Variants in ZNF696 observed in about 807,000 individuals in gnomAD.
The protein encoded by ZNF696 is zinc finger protein 696.
In ZNF696, 10 loss-of-function variants were observed where a neutral mutation model predicts 12.3. The ratio of observed to expected loss-of-function variants is 0.81; its 90% CI spans 0.50 to 1.38. The LOEUF (loss-of-function observed/expected upper bound fraction) is 1.38, where lower values mean the gene tolerates loss of function less well. Among genes scored for constraint, ZNF696 ranks in the 40% most tolerant of loss-of-function variants. The pLI, the probability that ZNF696 is intolerant of heterozygous loss-of-function variation, is 0.00. For synonymous variants in ZNF696, 304 were observed against 243.9 expected, an observed-to-expected ratio of 1.25 and a Z score of -2.29; for missense variants, 675 against 554.7, an observed-to-expected ratio of 1.22 and a Z score of -2.18.
intron 2 of ZNF696, chr8:143,295,396 G>A: frequency 1.7e-6 from 1 of 584,994 alleles, no homozygotes; most frequent in Non-Finnish European, 3.2e-6. Context: ...ATCTCACTAT[G>A]TTGGCCAGGC....
At position 143,296,193 on chromosome 8, in the gene ZNF696, G is replaced by A. The variant is rs778280872; in HGVS notation, c.518G>A (p.Arg173Gln). ...AGCTCGCACGTGGTCCGGCACCAGCGGGCGCACAGCGGGGAGAGGCCCTAC... is the reference window on the plus strand; with the variant it reads ...AGCTCGCACGTGGTCCGGCACCAGCAGGCGCACAGCGGGGAGAGGCCCTAC... ...IHSSHVVRHQRAHSGERPYAC... is the reference protein window; with the variant it reads ...IHSSHVVRHQQAHSGERPYAC... Residue 173 changes from arginine to glutamine, a missense_variant, in exon 3 of 3, where the codon CGG (arginine) becomes CAG (glutamine). Arg to Gln is a conservative substitution (Grantham distance 43, BLOSUM62 1). Transcript: ENST00000330143. The A allele has an allele frequency of 1.3e-6, 2 of 1,599,534 alleles. No homozygotes were observed. Among genetic ancestry groups the A allele is most frequent in the South Asian group, 2.2e-5 (2 of 89,902 alleles).
chr8:143,296,249 C>A lies in ZNF696; in HGVS notation c.574C>A (p.Gln192Lys). 6.3e-7 allele frequency: 1 copy of A among 1,597,546 alleles called. No individual in the cohort carries two copies. The highest frequency in any genetic ancestry group is 8.5e-7 in the Non-Finnish European group (1 of 1,175,654). ...ACAECGKAFG[Q>K]SFNLLRHQRV... is the part of the protein sequence containing the mutation. ...CGCCGAGTGCGGCAAGGCCTTCGGC[C>A]AGAGCTTCAACCTCCTCCGGCACCA... The change falls in exon 3 of 3, where the codon CAG (glutamine) becomes AAG (lysine). Residue 192 changes from glutamine to lysine, a missense_variant. Gln to Lys is a moderately conservative substitution (Grantham distance 53). Transcript: ENST00000330143.
In ZNF696 at chr8:143,296,059, CG is replaced by C. The variant is rs1563744814; in HGVS notation, c.385del (p.Ala129ProfsTer232). On this transcript the variant is annotated frameshift_variant, in exon 3 of 3. Coordinates refer to ENST00000330143, the MANE Select transcript of ZNF696 (RefSeq NM_030895.3). LOFTEE classifies it high-confidence loss of function. ...SWKGRPFPCGACGRSFKCSSD... is the reference protein window; with the variant it reads ...SWKGRPFPCGXCGRSFKCSSD... ...GGAAGGGGCGGCCTTTCCCGTGCGG[CG>C]CCTGTGGCCGCAGCTTCAAGTGCTC... The C allele has an allele frequency of 1.9e-6, 3 of 1,592,406 alleles. No homozygotes were observed. The highest frequency in any genetic ancestry group is 2.6e-6 in the Non-Finnish European group (3 of 1,168,718).
intron 1 of ZNF696, among the ~76,000 whole-genome samples, 187 bp from the exon 2 acceptor site, chr8:143,292,785 C>T (rs960975657): frequency 6.6e-6 from 1 of 152,036 alleles, no homozygotes; most frequent in East Asian, 1.9e-4. Flanking sequence ...ACAGAACACC[C>T]GCTTCTGGGA....
At position 143,296,260 on chromosome 8, in the gene ZNF696, C is replaced by T. The variant is rs764378449; in HGVS notation, c.585C>T (p.Asn195=). The T allele has an allele frequency of 1.3e-6, 2 of 1,598,132 alleles. No individual in the cohort carries two copies. Among genetic ancestry groups the T allele is most frequent in the African/African-American group, 1.3e-5 (1 of 74,728 alleles). Residue 195 remains asparagine, a synonymous_variant, in exon 3 of 3, where the codon AAC becomes AAT. Coordinates refer to ENST00000330143, the MANE Select transcript of ZNF696 (RefSeq NM_030895.3). ...ECGKAFGQSF[N]LLRHQRVHTG... ...GCAAGGCCTTCGGCCAGAGCTTCAACCTCCTCCGGCACCAGCGCGTGCACA... is the reference window on the plus strand; with the variant it reads ...GCAAGGCCTTCGGCCAGAGCTTCAATCTCCTCCGGCACCAGCGCGTGCACA...
intron 2 of ZNF696, 47 bp downstream of exon 2, chr8:143,293,112 T>C: frequency 1.3e-6 from 2 of 1,512,724 alleles, no homozygotes; most frequent in South Asian, 1.1e-5. Context: ...AGGGCAGGAA[T>C]TGAACAGGAA....
At chr8:143,293,616 T>C (rs1815660862) in intron 2 of ZNF696, among the ~76,000 whole-genome samples, 1 of 152,236 alleles carries the variant, frequency 6.6e-6, no homozygotes, top group Non-Finnish European at 1.5e-5. Context: ...CTGTGAGGTC[T>C]GGGATTGCCT....
Position 143,296,410 on chromosome 8 carries a change from C to A in ZNF696, c.735C>A (p.Arg245=). The A allele has an allele frequency of 6.3e-7, 1 of 1,599,968 alleles. No homozygotes were observed. The highest frequency in any genetic ancestry group is 8.5e-7 in the Non-Finnish European group (1 of 1,175,982). Reference sequence around the variant, plus strand: ...ACGCGTGCGGCGAGTGCGGGAAGCGCTTCCTGCACAGCTCGAACGTGGTCC... The same window carrying A: ...ACGCGTGCGGCGAGTGCGGGAAGCGATTCCTGCACAGCTCGAACGTGGTCC... ...RLYACGECGK[R]FLHSSNVVRH... Residue 245 remains arginine, a synonymous_variant, in exon 3 of 3, where the codon CGC becomes CGA. Transcript: ENST00000330143.
rs1815699125 is a variant in ZNF696 at position 143,295,825 on chromosome 8, A to G, written c.150A>G (p.Ala50=). ...CAGCTCAGAGCACGGAGCCTGCCGC[A>G]GAGGCAGGCGCTCCCGAGGGAGAGG... ...VQAAQSTEPA[A]EAGAPEGEGH... Residue 50 remains alanine, a synonymous_variant, in exon 3 of 3, where the codon GCA becomes GCG. Transcript: ENST00000330143. 1.3e-6 allele frequency: 2 copies of G among 1,596,430 alleles called. No individual in the cohort carries two copies. The highest frequency in any genetic ancestry group is 1.7e-4 in the Middle Eastern group (1 of 5,874).
At position 143,299,517 on chromosome 8, in the gene ZNF696, G is replaced by A. The variant is rs1259331593; in HGVS notation, c.*2717G>A. 6.6e-6 allele frequency among the ~76,000 whole-genome samples: 1 copy of A among 152,224 alleles called. No homozygotes were observed. The highest frequency in any genetic ancestry group is 2.4e-5 in the African/African-American group (1 of 41,450). ...TAGTCCCAGCTGCTTGGGAGACTGA[G>A]GCAGGAGGATCTCGGCTTGGATCCT... is the stretch of plus-strand genomic sequence containing the variant. On this transcript the variant is annotated 3_prime_UTR_variant, in exon 3 of 3. Coordinates refer to ENST00000330143, the MANE Select transcript of ZNF696 (RefSeq NM_030895.3).
At position 143,296,049 on chromosome 8, in the gene ZNF696, TC is replaced by T. The variant is rs1175365143; in HGVS notation, c.377del (p.Pro126ArgfsTer235). 6.3e-7 allele frequency: 1 copy of T among 1,593,270 alleles called. No homozygotes were observed. Among genetic ancestry groups the T allele is most frequent in the Non-Finnish European group, 8.6e-7 (1 of 1,169,348 alleles). ...GGGGGCAGCTGGAAGGGGCGGCCTT[TC>T]CCGTGCGGCGCCTGTGGCCGCAGCT... ...EGGGSWKGRPFPCGACGRSFK... is the reference protein window; with the variant it reads ...EGGGSWKGRPXPCGACGRSFK... On this transcript the variant is annotated frameshift_variant, in exon 3 of 3. Coordinates refer to ENST00000330143, the MANE Select transcript of ZNF696 (RefSeq NM_030895.3). LOFTEE classifies it low-confidence loss of function (END_TRUNC).
At position 143,292,913 on chromosome 8, in the gene ZNF696, C is replaced by G. The variant is rs990842322; in HGVS notation, c.-30-59C>G. On this transcript the variant is annotated intron_variant, in intron 1 of 2. Coordinates refer to ENST00000330143, the MANE Select transcript of ZNF696 (RefSeq NM_030895.3). ...CTGAAGGCATTCTGACCTCACTGCC[C>G]CTGGCCCCTGTACCTAGCCCTGGCT... is the stretch of plus-strand genomic sequence containing the variant. 4.3e-5 allele frequency: 64 copies of G among 1,472,624 alleles called. 1 individual carries two copies. In the South Asian group the frequency reaches 5.8e-4, roughly 13 times the overall value. 91.2% of individuals were successfully genotyped at this position (1,472,624 alleles called of 1,614,324 possible).
intron 2 of ZNF696, among the ~76,000 whole-genome samples, chr8:143,294,391 T>G (rs74802998): frequency 2.9e-4 from 14 of 47,956 alleles, no homozygotes; most frequent in Admixed American, 2.3e-3. Context: ...TTTTCTTTTC[T>G]TTTTTTTTTT....
chr8:143,294,731 T>C (rs1434396891), intron 2 of ZNF696, among the ~76,000 whole-genome samples: 1 of 151,804 alleles, frequency 6.6e-6, no homozygotes, highest in Non-Finnish European at 1.5e-5. Context: ...CCCTTAGAGT[T>C]TGGTGTTTGG....
rs1197279654 is a variant in ZNF696 at position 143,291,438 on chromosome 8, C to G, written c.-360C>G. ...GACCGTAGCGGGTGCAGTCCAGCTG[C>G]TCTGGACGCTGAGGCCCCGGCTTCT... On this transcript the variant is annotated 5_prime_UTR_variant, in exon 1 of 3. Coordinates refer to ENST00000330143, the MANE Select transcript of ZNF696 (RefSeq NM_030895.3). 1.0e-6 allele frequency: 1 copy of G among 985,566 alleles called. No homozygotes were observed. 61.1% of individuals were successfully genotyped at this position (985,566 alleles called of 1,614,324 possible). A position where few individuals can be genotyped will look rare whatever the true frequency, so the allele number is the denominator to read the frequency against.
At chr8:143,293,895 T>A (rs4332150) in intron 2 of ZNF696, among the ~76,000 whole-genome samples, 7 of 152,158 alleles carry the variant, frequency 4.6e-5, no homozygotes, top group Non-Finnish European at 1.0e-4. Context: ...GGACTGTCGA[T>A]AGCAGCCTGC....
rs761133041 is a variant in ZNF696, at chr8:143,293,070, G to A, written c.64+5G>A. On this transcript the variant is annotated splice_donor_5th_base_variant and intron_variant, in intron 2 of 2. Transcript: ENST00000330143. The stretch of plus-strand genomic sequence containing the variant: ...CCCTGATGGAGTCCCTTGCAGGTGA[G>A]GGGACATGTCCACAGTCGGGCCCAG... 1.2e-6 allele frequency: 2 copies of A among 1,612,450 alleles called. No homozygotes were observed. Among genetic ancestry groups the A allele is most frequent in the South Asian group, 1.1e-5 (1 of 90,956 alleles).
rs911580027 is a variant in ZNF696 at position 143,299,092 on chromosome 8, G to C, written c.*2292G>C. Among the ~76,000 whole-genome samples, 1 of 152,176 alleles carries C rather than the reference G, an allele frequency of 6.6e-6. No individual in the cohort carries two copies. Among genetic ancestry groups the C allele is most frequent in the Non-Finnish European group, 1.5e-5 (1 of 68,032 alleles). ...GAGAATCCCTTGAACCTGGGAGGCAGAAGATGCAGTGAGCCGAGATCACGC... is the reference window on the plus strand; with the variant it reads ...GAGAATCCCTTGAACCTGGGAGGCACAAGATGCAGTGAGCCGAGATCACGC... On this transcript the variant is annotated 3_prime_UTR_variant, in exon 3 of 3. Coordinates refer to ENST00000330143, the MANE Select transcript of ZNF696 (RefSeq NM_030895.3).
At position 143,296,297 on chromosome 8, in the gene ZNF696, C is replaced by G; in HGVS notation, c.622C>G (p.Pro208Ala). Residue 208 changes from proline to alanine, a missense_variant, in exon 3 of 3, where the codon CCC (proline) becomes GCC (alanine). Pro to Ala is a conservative substitution (Grantham distance 27). Transcript: ENST00000330143. The part of the protein sequence containing the change: ...RHQRVHTGEK[P>A]YACADCGKAF... ...CCAGCGCGTGCACACGGGCGAGAAGCCCTACGCGTGCGCCGACTGCGGCAA... is the reference window on the plus strand; with the variant it reads ...CCAGCGCGTGCACACGGGCGAGAAGGCCTACGCGTGCGCCGACTGCGGCAA... 1 of 1,598,882 alleles carries G rather than the reference C, an allele frequency of 6.3e-7. No individual in the cohort carries two copies. Among genetic ancestry groups the G allele is most frequent in the African/African-American group, 1.3e-5 (1 of 74,772 alleles).
Sources: gnomAD v4.1 joint callset for allele counts (sites outside exome capture counted in the v4.1 genomes callset) on GRCh38, gnomAD v4.1.1 for gene constraint, MANE v1.5 for transcripts, NCBI Gene and HGNC (gene_info 2026-07-23, HGNC 2026-07-21) for gene names.